The following KCNH1 variants were observed in gnomAD, a reference collection of about 807,000 sequenced individuals.
KCNH1 encodes the protein potassium voltage-gated channel subfamily H member 1.
Under a neutral mutation model 69.2 loss-of-function variants are expected in KCNH1, and 27 were observed. The ratio of observed to expected loss-of-function variants is 0.39; its 90% CI spans 0.29 to 0.54. The LOEUF (loss-of-function observed/expected upper bound fraction) is 0.54, where lower values mean the gene tolerates loss of function less well. KCNH1 is among the 20% of genes least tolerant of loss of function. The pLI, the probability that KCNH1 is intolerant of heterozygous loss-of-function variation, is 0.68. For missense variants in KCNH1, 798 were observed against 1,261.6 expected (o/e 0.63, Z 5.57); for synonymous variants, 456 against 487.7 (o/e 0.93, Z 0.86).
At chr1:210,821,763 G>A (rs1684933368) in intron 7 of KCNH1, among the ~76,000 whole-genome samples, 1 of 152,014 alleles carries the variant, frequency 6.6e-6, no homozygotes, top group African/African-American at 2.4e-5. Context: ...AATGGAGTAG[G>A]CTTTTGGACA....
intron 5 of KCNH1, among the ~76,000 whole-genome samples, chr1:211,064,296 C>T (rs772870357): frequency 5.9e-5 from 9 of 152,182 alleles, no homozygotes; most frequent in Non-Finnish European, 1.3e-4. Flanking sequence ...CACGGTGGCT[C>T]ACGCCTGCAA....
At chr1:210,712,920 A>G (rs186791373) in intron 10 of KCNH1, among the ~76,000 whole-genome samples, 20 of 151,632 alleles carry the variant, frequency 1.3e-4, no homozygotes, top group Admixed American at 6.6e-5. Flanking sequence ...CTAGTCCCCC[A>G]ACCCCAGCAG....
At chr1:210,711,180 G>A (rs1342697459) in intron 10 of KCNH1, among the ~76,000 whole-genome samples, 1 of 152,202 alleles carries the variant, frequency 6.6e-6, no homozygotes, top group African/African-American at 2.4e-5. Context: ...AGACCATGGG[G>A]GAAGGAGAGG....
chr1:210,812,325 A>G (rs1684721108), intron 7 of KCNH1, among the ~76,000 whole-genome samples: 1 of 151,966 alleles, frequency 6.6e-6, no homozygotes, highest in South Asian at 2.1e-4. Context: ...TTCTTTTTCT[A>G]TCTCCCCTCA....
rs1343970244 is a variant in KCNH1, at chr1:210,907,841, G to A, written c.1462+11799C>T. 2.6e-5 allele frequency among the ~76,000 whole-genome samples: 4 copies of A among 152,184 alleles called. No homozygotes were observed. The East Asian group carries it at 7.7e-4, about 29-fold the overall frequency. ...CCAGGTGGAAGAACAAGCACCTATG[G>A]TCACCCAGAGTTGCCAAGAGACATT... is the stretch of plus-strand genomic sequence containing the variant. On this transcript the variant is annotated intron_variant, in intron 7 of 10. Coordinates refer to ENST00000271751, the MANE Select transcript of KCNH1 (RefSeq NM_172362.3).
intron 7 of KCNH1, among the ~76,000 whole-genome samples, chr1:210,917,273 AAG>A (rs1212364202): frequency 3.4e-5 from 5 of 148,374 alleles, no homozygotes; most frequent in Non-Finnish European, 4.4e-5. Flanking sequence ...GAAAGAAAGA[AAG>A]AAAGAAAAGA....
At chr1:211,031,921 CAGG>C (rs1448130528) in intron 5 of KCNH1, among the ~76,000 whole-genome samples, 1 of 152,062 alleles carries the variant, frequency 6.6e-6, no homozygotes, top group African/African-American at 2.4e-5. Flanking sequence ...GGCAATCAGG[CAGG>C]AGAAGGAAAT....
intron 6 of KCNH1, among the ~76,000 whole-genome samples, chr1:210,975,273 A>G (rs924067102): frequency 1.3e-5 from 2 of 152,200 alleles, no homozygotes; most frequent in Admixed American, 1.3e-4. Flanking sequence ...CTTTTCAAAA[A>G]ACCAGCTCCT....
At chr1:211,092,969 CT>C (rs1413192957) in intron 3 of KCNH1, among the ~76,000 whole-genome samples, 1 of 151,942 alleles carries the variant, frequency 6.6e-6, no homozygotes, top group Non-Finnish European at 1.5e-5. Flanking sequence ...TGAGTCAGTT[CT>C]TGTCATCTGA....
chr1:210,811,242 G>C (rs1242659328), intron 7 of KCNH1, among the ~76,000 whole-genome samples: 2 of 152,170 alleles, frequency 1.3e-5, no homozygotes, highest in Non-Finnish European at 2.9e-5. Context: ...CAACTGCACA[G>C]AATGAGAAAG....
At position 210,943,107 on chromosome 1, in the gene KCNH1, T is replaced by C. The variant is rs564237494; in HGVS notation, c.1033-23038A>G. Among the ~76,000 whole-genome samples, 63 of 152,300 alleles carry C rather than the reference T, an allele frequency of 4.1e-4. 1 individual carries two copies. Among genetic ancestry groups the C allele is most frequent in the Admixed American group, 1.0e-3 (16 of 15,302 alleles). On this transcript the variant is annotated intron_variant, in intron 6 of 10. Coordinates refer to ENST00000271751, the MANE Select transcript of KCNH1 (RefSeq NM_172362.3). ...AAAAAAATGCTGCAATTTTCCCCAT[T>C]TTATGTGAATGTAGTAATGAACTGT...
intron 3 of KCNH1, among the ~76,000 whole-genome samples, chr1:211,101,690 C>T (rs1208803614): frequency 6.6e-6 from 1 of 152,186 alleles, no homozygotes; most frequent in Non-Finnish European, 1.5e-5. Flanking sequence ...CTGCCTTGTA[C>T]TCACAATAAA....
intron 7 of KCNH1, chr1:210,859,728 A>G: frequency 8.7e-7 from 1 of 1,147,760 alleles, no homozygotes; most frequent in Non-Finnish European, 1.3e-6. Flanking sequence ...CCTGATTTAA[A>G]CCTTGGGGTA....
At chr1:210,804,535 G>A (rs2102407317) in intron 7 of KCNH1, among the ~76,000 whole-genome samples, 1 of 152,312 alleles carries the variant, frequency 6.6e-6, no homozygotes, top group East Asian at 1.9e-4. Context: ...TTTGAGCCAT[G>A]CCTGAGGTCA....
chr1:211,044,449 G>A (rs536644658), intron 5 of KCNH1, among the ~76,000 whole-genome samples: 2 of 152,282 alleles, frequency 1.3e-5, no homozygotes, highest in East Asian at 1.9e-4. Context: ...CACAGCAAAA[G>A]GAGCAGTCAG....
intron 7 of KCNH1, among the ~76,000 whole-genome samples, chr1:210,914,981 G>A (rs1687306326): frequency 6.6e-6 from 1 of 152,098 alleles, no homozygotes; most frequent in East Asian, 1.9e-4. Flanking sequence ...TGACAGCAAT[G>A]ACATTATGAG....
At position 210,702,306 on chromosome 1, in the gene KCNH1, T is replaced by C. The variant is rs991404302; in HGVS notation, c.2113-18168A>G. 3.3e-5 allele frequency among the ~76,000 whole-genome samples: 5 copies of C among 152,188 alleles called. No homozygotes were observed. The South Asian group carries it at 8.3e-4, about 25-fold the overall frequency. On this transcript the variant is annotated intron_variant, in intron 10 of 10. Transcript: ENST00000271751. The stretch of plus-strand genomic sequence containing the variant: ...AGTGTTCTTATATTATTTTCTTTGA[T>C]AGTTTTTCTCCCCTCCATTTTCTGT...
intron 6 of KCNH1, among the ~76,000 whole-genome samples, chr1:210,931,320 G>A (rs115121586): frequency 0.011 from 1,689 of 152,114 alleles, 36 homozygotes; most frequent in African/African-American, 0.038. Flanking sequence ...TATATACCGT[G>A]GAATACTACT....
chr1:211,118,912 T>A (rs957845017), intron 1 of KCNH1, among the ~76,000 whole-genome samples: 1 of 152,258 alleles, frequency 6.6e-6, no homozygotes, highest in East Asian at 1.9e-4. Context: ...ACAAGTGTAC[T>A]GTTCCCTGCC....
Sources: allele counts gnomAD v4.1 joint callset (sites outside exome capture counted in the v4.1 genomes callset), GRCh38; gene constraint gnomAD v4.1.1; transcripts MANE v1.5; gene names NCBI Gene and HGNC (gene_info 2026-07-23, HGNC 2026-07-21).